CAPN11: variants seen among roughly 807,000 people sequenced by gnomAD.
The protein encoded by CAPN11 is calpain 11.
Under a neutral mutation model 105.3 loss-of-function variants are expected in CAPN11, and 108 were observed. The ratio of observed to expected loss-of-function variants is 1.03; its 90% CI spans 0.88 to 1.20. The LOEUF is 1.20. Ranked by LOEUF, CAPN11 falls within the 50% of genes most tolerant of loss-of-function variation. The pLI is 0.00. For missense variants in CAPN11, 883 were observed against 924.8 expected, an observed-to-expected ratio of 0.95 and a Z score of 0.59; for synonymous variants, 329 against 344.5, an observed-to-expected ratio of 0.96 and a Z score of 0.50.
At chr6:44,166,975 G>A in intron 2 of CAPN11, 146 bp downstream of exon 2, 1 of 645,402 alleles carries the variant, frequency 1.5e-6, no homozygotes, top group South Asian at 1.8e-5. Flanking sequence ...CTACCCTCAG[G>A]AAGGGATGTT....
At chr6:44,176,004 G>T in intron 7 of CAPN11, 64 bp from the exon 8 acceptor site, 5 of 1,057,754 alleles carry the variant, frequency 4.7e-6, no homozygotes, top group Non-Finnish European at 4.3e-6. Context: ...TCCTTTGGGT[G>T]CCCAGTCCAG....
chr6:44,176,743 G>A, intron 10 of CAPN11, 88 bp downstream of exon 10: 1 of 1,566,698 alleles, frequency 6.4e-7, no homozygotes, highest in Non-Finnish European at 8.7e-7. Flanking sequence ...TGCCTTGGAT[G>A]GGGAGGCTTG....
chr6:44,177,317 A>T lies in CAPN11; in HGVS notation c.1313A>T (p.Asn438Ile). 2.5e-6 allele frequency: 4 copies of T among 1,613,872 alleles called. No individual in the cohort carries two copies. The highest frequency in any genetic ancestry group is 3.4e-6 in the Non-Finnish European group (4 of 1,179,850). Residue 438 changes from asparagine (N) to isoleucine (I), a missense_variant, in exon 12 of 23, where the codon AAT (asparagine) becomes ATT (isoleucine). Transcript: ENST00000398776. Reference sequence around the variant, plus strand: ...GACCCAGAGGATGACGCAGAGGGCAATGTTGTGGTCTGCACCTGCCTGGTG... The same window carrying T: ...GACCCAGAGGATGACGCAGAGGGCATTGTTGTGGTCTGCACCTGCCTGGTG... ...GDDPEDDAEG[N>I]VVVCTCLVAL...
chr6:44,170,391 G>A (rs1445647317), intron 4 of CAPN11, among the ~76,000 whole-genome samples: 1 of 152,146 alleles, frequency 6.6e-6, no homozygotes, highest in Non-Finnish European at 1.5e-5. Flanking sequence ...CTGAAGGCTC[G>A]CCTGGGGCTG....
Position 44,181,066 on chromosome 6 carries a change from C to A in CAPN11, c.1869+69C>A. On this transcript the variant is annotated intron_variant, in intron 18 of 22. Transcript: ENST00000398776. ...CAAGCCTGGCCCAGAGATGGCCACC[C>A]TGGGCCAGCCACGTCCTCCTCCCTG... 3.5e-6 allele frequency: 5 copies of A among 1,416,448 alleles called. No homozygotes were observed. In the South Asian group the frequency reaches 4.6e-5, roughly 13 times the overall value. 87.7% of individuals were successfully genotyped at this position (1,416,448 alleles called of 1,614,324 possible).
At chr6:44,180,857 C>G (rs1773024039) in intron 17 of CAPN11, 52 bp downstream of exon 17, 1 of 1,605,700 alleles carries the variant, frequency 6.2e-7, no homozygotes, top group African/African-American at 1.3e-5. Flanking sequence ...TTTTGTGCCC[C>G]TCTTGATCAC....
chr6:44,177,277 C>T lies in CAPN11; in HGVS notation c.1273C>T (p.Leu425Phe), dbSNP rs1321174004. 6.2e-7 allele frequency: 1 copy of T among 1,608,482 alleles called. No individual in the cohort carries two copies. Among genetic ancestry groups the T allele is most frequent in the Non-Finnish European group, 8.5e-7 (1 of 1,177,472 alleles). The stretch of plus-strand genomic sequence containing the variant: ...GACCAACCCCCAGTTTAAGATCTCT[C>T]TTCCTGAGGGGGATGACCCAGAGGA... ...FWTNPQFKISLPEGDDPEDDA... is the reference protein window; with the variant it reads ...FWTNPQFKISFPEGDDPEDDA... Residue 425 changes from leucine (L) to phenylalanine (F), a missense_variant, in exon 12 of 23, where the codon CTT becomes TTT. Leu to Phe is a conservative substitution (Grantham distance 22, BLOSUM62 0). Transcript: ENST00000398776.
At chr6:44,158,905 G>A in intron 1 of CAPN11, 41 bp downstream of exon 1, 1 of 1,528,390 alleles carries the variant, frequency 6.5e-7, no homozygotes, top group Non-Finnish European at 8.9e-7. Context: ...TGTACCTCCT[G>A]CAGGCTAGAG....
chr6:44,176,192 AAGG>A, intron 8 of CAPN11, 41 bp downstream of exon 8: 1 of 1,362,348 alleles, frequency 7.3e-7, no homozygotes, highest in Non-Finnish European at 1.0e-6. Flanking sequence ...GGACCCTGAG[AAGG>A]AGGAGAACGT....
At chr6:44,167,101 G>T (rs960914877) in intron 2 of CAPN11, among the ~76,000 whole-genome samples, 1 of 152,018 alleles carries the variant, frequency 6.6e-6, no homozygotes, top group Non-Finnish European at 1.5e-5. Context: ...CCTGACACTC[G>T]CCCAGTGCCA....
Position 44,180,627 on chromosome 6 carries a change from G to C in CAPN11, c.1711G>C (p.Asp571His). The C allele has an allele frequency of 1.2e-6, 2 of 1,613,812 alleles. No individual in the cohort carries two copies. The highest frequency in any genetic ancestry group is 1.7e-6 in the Non-Finnish European group (2 of 1,179,834). The change falls in exon 16 of 23, where the codon GAC (aspartate) becomes CAC (histidine). Residue 571 changes from aspartate (D) to histidine (H), a missense_variant. By Grantham distance (81) the Asp-to-His change is moderately conservative. Transcript: ENST00000398776. ...GGTCTCTGAGGATGACATGGACCAG[G>C]ACTTCCTACATTTGTTTAAGATAGT... The part of the protein sequence containing the change: ...EKVSEDDMDQ[D>H]FLHLFKIVAG...
chr6:44,166,878 C>T, intron 2 of CAPN11, 49 bp downstream of exon 2: 1 of 1,267,852 alleles, frequency 7.9e-7, no homozygotes. Flanking sequence ...TTTTCTTCCT[C>T]CTCCTTCACT....
chr6:44,175,730 T>G (rs1388228888), intron 7 of CAPN11, among the ~76,000 whole-genome samples: 3 of 151,320 alleles, frequency 2.0e-5, no homozygotes, highest in African/African-American at 7.3e-5. Context: ...TGAGCCGAGA[T>G]CTCACCACTG....
At chr6:44,159,340 G>A (rs571521827) in intron 1 of CAPN11, among the ~76,000 whole-genome samples, 1 of 152,228 alleles carries the variant, frequency 6.6e-6, no homozygotes, top group Admixed American at 6.5e-5. Context: ...GGCAGGGGCA[G>A]GACTACCTGA....
At chr6:44,177,044 T>A in intron 11 of CAPN11, 46 bp downstream of exon 11, 1 of 1,592,566 alleles carries the variant, frequency 6.3e-7, no homozygotes. Context: ...GAGTGAAGGA[T>A]GGGCCACGGC....
rs1000334511 is a variant in CAPN11 at position 44,183,024 on chromosome 6, C to T, written c.2017+5C>T. On this transcript the variant is annotated splice_donor_5th_base_variant and intron_variant, in intron 20 of 22. Coordinates refer to ENST00000398776, the MANE Select transcript of CAPN11 (RefSeq NM_007058.4). ...GCCTGGTTATTGAGAAAGCAGGTGGCCAAGGGTCAGGAGTGGGCCTTGGGG... is the reference window on the plus strand; with the variant it reads ...GCCTGGTTATTGAGAAAGCAGGTGGTCAAGGGTCAGGAGTGGGCCTTGGGG... 2 of 1,611,666 alleles carry T rather than the reference C, an allele frequency of 1.2e-6. No individual in the cohort carries two copies. Among genetic ancestry groups the T allele is most frequent in the Admixed American group, 1.7e-5 (1 of 59,878 alleles).
intron 4 of CAPN11, among the ~76,000 whole-genome samples, chr6:44,170,605 A>C (rs539375426): frequency 6.6e-6 from 1 of 152,208 alleles, no homozygotes; most frequent in Non-Finnish European, 1.5e-5. Context: ...TTTCTGACCT[A>C]GTCTCAGGAG....
intron 21 of CAPN11, among the ~76,000 whole-genome samples, chr6:44,183,450 G>A (rs1033162611): frequency 2.6e-5 from 4 of 152,168 alleles, no homozygotes; most frequent in African/African-American, 9.7e-5. Flanking sequence ...TTAGAATGTG[G>A]ATAATAATAG....
At chr6:44,183,593 G>T in intron 21 of CAPN11, 112 bp from the exon 22 acceptor site, 2 of 981,310 alleles carry the variant, frequency 2.0e-6, no homozygotes, top group East Asian at 2.6e-5. Context: ...GGATTTATGT[G>T]GGGAACAGCC....
Sources: gnomAD v4.1 joint callset for allele counts (sites outside exome capture counted in the v4.1 genomes callset) on GRCh38, gnomAD v4.1.1 for gene constraint, MANE v1.5 for transcripts, NCBI Gene and HGNC (gene_info 2026-07-23, HGNC 2026-07-21) for gene names.